Variants in HHIP observed in about 807,000 individuals in gnomAD.
The protein encoded by HHIP is hedgehog-interacting protein.
Under a neutral mutation model 74.0 loss-of-function variants are expected in HHIP, and 12 were observed. The ratio of observed to expected loss-of-function variants is 0.16; its 90% CI spans 0.10 to 0.26. The LOEUF is 0.26. HHIP is among the 10% of genes least tolerant of loss of function. The pLI, the probability that HHIP is intolerant of heterozygous loss-of-function variation, is 1.00. For missense variants in HHIP, 788 were observed against 845.0 expected, an observed-to-expected ratio of 0.93 and a Z score of 0.84; for synonymous variants, 309 against 311.6, an observed-to-expected ratio of 0.99 and a Z score of 0.09.
intron 4 of HHIP, among the ~76,000 whole-genome samples, chr4:144,689,829 G>A (rs559674138): frequency 6.6e-6 from 1 of 150,954 alleles, no homozygotes; most frequent in African/African-American, 2.4e-5. Context: ...ATTTTTTTGA[G>A]ACGGAGTCTC....
At chr4:144,728,493 A>G (rs1578729226) in intron 11 of HHIP, among the ~76,000 whole-genome samples, 1 of 152,202 alleles carries the variant, frequency 6.6e-6, no homozygotes, top group East Asian at 1.9e-4. Flanking sequence ...AAAAATTAGA[A>G]TATGATTTAT....
rs1024794027 is a variant in HHIP at position 144,658,672 on chromosome 4, C to A, written c.473-118C>A. 4.0e-6 allele frequency: 3 copies of A among 757,046 alleles called. No homozygotes were observed. The African/African-American group carries it at 5.3e-5, about 13-fold the overall frequency. The allele number at this position is 757,046 out of a possible 1,614,324, so 46.9% of individuals were successfully genotyped here. On this transcript the variant is annotated intron_variant, in intron 2 of 12. Transcript: ENST00000296575. ...GACTGTTTTTATTTCAGTCTAGGTT[C>A]TTCCTAAAATATCCACCTAGTTTCC... is the stretch of plus-strand genomic sequence containing the variant.
rs575051272 is a variant in HHIP, at chr4:144,696,809, CA to C, written c.832-9721del. ...GAAAATCACTCAGCACAGTCTCTGTCACGCAGTAAGAACTCAGTACATCCTA... is the reference window on the plus strand; with the variant it reads ...GAAAATCACTCAGCACAGTCTCTGTCCGCAGTAAGAACTCAGTACATCCTA... On this transcript the variant is annotated intron_variant, in intron 4 of 12. Transcript: ENST00000296575. 3.1e-3 allele frequency among the ~76,000 whole-genome samples: 475 copies of C among 151,998 alleles called. 4 individuals are homozygous for C. The highest frequency in any genetic ancestry group is 0.011 in the African/African-American group (457 of 41,526).
In HHIP at chr4:144,678,265, G is replaced by T. The variant is rs1413836247; in HGVS notation, c.831+18427G>T. ...AGATTATGAAACATCTAATGATGAG[G>T]TTTTGTACTTTGGTAACTTAACTTT... On this transcript the variant is annotated intron_variant, in intron 4 of 12. Coordinates refer to ENST00000296575, the MANE Select transcript of HHIP (RefSeq NM_022475.3). 2.0e-5 allele frequency among the ~76,000 whole-genome samples: 3 copies of T among 152,148 alleles called. No homozygotes were observed. In the East Asian group the frequency reaches 5.8e-4, roughly 29 times the overall value.
Position 144,738,544 on chromosome 4 carries a change from T to C in HHIP, c.*587T>C. On this transcript the variant is annotated 3_prime_UTR_variant, in exon 13 of 13. Transcript: ENST00000296575. Reference sequence around the variant, plus strand: ...TTACCTTTTTATTGGCTGAGAAATCTGGTTATTTCATCTTAATCTCAAGAT... The same window carrying C: ...TTACCTTTTTATTGGCTGAGAAATCCGGTTATTTCATCTTAATCTCAAGAT... The C allele has an allele frequency of 2.2e-6, 2 of 903,004 alleles. No homozygotes were observed. The highest frequency in any genetic ancestry group is 2.6e-6 in the Non-Finnish European group (2 of 754,720). The allele number at this position is 903,004 out of a possible 1,614,324, so 55.9% of individuals were successfully genotyped here.
At chr4:144,663,419 A>G (rs1296985467) in intron 4 of HHIP, among the ~76,000 whole-genome samples, 1 of 152,210 alleles carries the variant, frequency 6.6e-6, no homozygotes, top group Non-Finnish European at 1.5e-5. Flanking sequence ...AAAACCACTG[A>G]TGTAGCCTGA....
At chr4:144,705,822 C>G (rs1221830947) in intron 4 of HHIP, among the ~76,000 whole-genome samples, 1 of 152,166 alleles carries the variant, frequency 6.6e-6, no homozygotes, top group African/African-American at 2.4e-5. Flanking sequence ...CTAGTGTCCC[C>G]TTTCCCCTCT....
chr4:144,662,687 T>TTGTGTGTGTGGC (rs1326612834), intron 4 of HHIP, among the ~76,000 whole-genome samples: 2 of 151,716 alleles, frequency 1.3e-5, no homozygotes, highest in Admixed American at 1.3e-4. Flanking sequence ...AAAACTTTCA[T>TTGTGTGTGTGGC]TGTGTGTGTG....
rs1290571736 is a variant in HHIP at position 144,711,977 on chromosome 4, T to C, written c.1329T>C (p.Asp443=). The change falls in exon 8 of 13, where the codon GAT becomes GAC. Residue 443 remains aspartate (D), a synonymous_variant. Transcript: ENST00000296575. Reference sequence around the variant, plus strand: ...GTGCTGTGGATAGACATCCCACTGATATAAACATCAATTTAACGATACTGT... The same window carrying C: ...GTGCTGTGGATAGACATCCCACTGACATAAACATCAATTTAACGATACTGT... ...GRCAVDRHPT[D]ININLTILCS... is the part of the protein sequence containing the mutation. 1 of 1,612,012 alleles carries C rather than the reference T, an allele frequency of 6.2e-7. No individual in the cohort carries two copies. Among genetic ancestry groups the C allele is most frequent in the Non-Finnish European group, 8.5e-7 (1 of 1,178,488 alleles).
intron 11 of HHIP, among the ~76,000 whole-genome samples, chr4:144,731,979 T>C (rs932570917): frequency 6.6e-6 from 1 of 152,188 alleles, no homozygotes; most frequent in African/African-American, 2.4e-5. Context: ...CTCAGGACCC[T>C]GTACTATTTA....
rs563606497 is a variant in HHIP at position 144,739,820 on chromosome 4, G to T, written c.*1863G>T. On this transcript the variant is annotated 3_prime_UTR_variant, in exon 13 of 13. Coordinates refer to ENST00000296575, the MANE Select transcript of HHIP (RefSeq NM_022475.3). Reference sequence around the variant, plus strand: ...AATTGCCCTCTTACCCCAGAAAAGGGGTGGTCCCTTCTAGTCACACTAACA... The same window carrying T: ...AATTGCCCTCTTACCCCAGAAAAGGTGTGGTCCCTTCTAGTCACACTAACA... 1 of 152,280 alleles carries T rather than the reference G, an allele frequency of 6.6e-6. No individual in the cohort carries two copies. The highest frequency in any genetic ancestry group is 1.9e-4 in the East Asian group (1 of 5,188). 9.4% of individuals were successfully genotyped at this position (152,280 alleles called of 1,614,324 possible). A position where few individuals can be genotyped will look rare whatever the true frequency, so the allele number is the denominator to read the frequency against.
chr4:144,702,799 C>G (rs1171074720), intron 4 of HHIP, among the ~76,000 whole-genome samples: 1 of 152,034 alleles, frequency 6.6e-6, no homozygotes, highest in Non-Finnish European at 1.5e-5. Context: ...TTCCCAGAAG[C>G]ACAATATACA....
At chr4:144,678,579 TC>T (rs764290731) in intron 4 of HHIP, among the ~76,000 whole-genome samples, 2 of 152,050 alleles carry the variant, frequency 1.3e-5, no homozygotes, top group African/African-American at 2.4e-5. Context: ...TGTGTGATAT[TC>T]CCCTCCCTGT....
intron 4 of HHIP, among the ~76,000 whole-genome samples, chr4:144,704,758 C>T (rs890382143): frequency 6.6e-6 from 1 of 152,222 alleles, no homozygotes; most frequent in African/African-American, 2.4e-5. Flanking sequence ...GAATTAATCA[C>T]AAACGAAATC....
In HHIP at chr4:144,646,640, C is replaced by T. The variant is rs1274972308; in HGVS notation, c.-36C>T. The T allele has an allele frequency of 1.3e-6, 2 of 1,595,054 alleles. No homozygotes were observed. The highest frequency in any genetic ancestry group is 1.7e-6 in the Non-Finnish European group (2 of 1,169,090). The stretch of plus-strand genomic sequence containing the variant: ...GCTGGGCAGTGGCGTTCCCCCCCAT[C>T]CTCCCGCGCCCAGCCCCTGCTGCTC... On this transcript the variant is annotated 5_prime_UTR_variant, in exon 1 of 13. Coordinates refer to ENST00000296575, the MANE Select transcript of HHIP (RefSeq NM_022475.3).
At chr4:144,665,484 T>C (rs945024810) in intron 4 of HHIP, among the ~76,000 whole-genome samples, 7 of 152,212 alleles carry the variant, frequency 4.6e-5, no homozygotes, top group Admixed American at 2.0e-4. Flanking sequence ...CTCTGTACTC[T>C]GTGAAAAATG....
Position 144,684,559 on chromosome 4 carries a change from G to A in HHIP, c.832-21972G>A, listed in dbSNP as rs1238626712. ...CTCCCAAAGTGCTGAGATTACAGGC[G>A]TGAGCCACCGCGCCCGGCCAAAAGA... On this transcript the variant is annotated intron_variant, in intron 4 of 12. Transcript: ENST00000296575. 7.2e-5 allele frequency among the ~76,000 whole-genome samples: 11 copies of A among 151,992 alleles called. No homozygotes were observed. The South Asian group carries it at 2.3e-3, about 32-fold the overall frequency.
Position 144,658,888 on chromosome 4 carries a change from C to T in HHIP, c.571C>T (p.Pro191Ser), listed in dbSNP as rs201960286. ...PDFPRKQVRG[P>S]ASNYLDQMEE... is the part of the protein sequence containing the mutation. The stretch of plus-strand genomic sequence containing the variant: ...TTTTCCAAGAAAACAAGTCAGAGGA[C>T]CAGCATCTAACTACTTGGACCAGAT... The change falls in exon 3 of 13, where the codon CCA (proline) becomes TCA (serine). Residue 191 changes from proline (P) to serine (S), a missense_variant. Pro to Ser is a moderately conservative substitution (Grantham distance 74). This residue lies in a region of HHIP where 373 missense variants were observed against 366.4 expected (regional missense o/e 1.02). Coordinates refer to ENST00000296575, the MANE Select transcript of HHIP (RefSeq NM_022475.3). 8.7e-6 allele frequency: 14 copies of T among 1,613,322 alleles called. No homozygotes were observed. The South Asian group carries it at 1.3e-4, about 15-fold the overall frequency.
intron 5 of HHIP, 78 bp downstream of exon 5, chr4:144,706,760 G>A: frequency 5.8e-6 from 8 of 1,374,610 alleles, no homozygotes; most frequent in Middle Eastern, 2.0e-4. Context: ...TTTTTATTTA[G>A]AAGTTGCAAA....
Sources: gnomAD v4.1 joint callset for allele counts (sites outside exome capture counted in the v4.1 genomes callset) on GRCh38, gnomAD v4.1.1 for gene constraint, gnomAD v4.1.1 regional missense constraint, MANE v1.5 for transcripts, NCBI Gene and HGNC (gene_info 2026-07-23, HGNC 2026-07-21) for gene names.